ADCY2: variants seen among roughly 807,000 people sequenced by gnomAD.
ADCY2 encodes the protein adenylate cyclase type 2.
ADCY2 carries 31 observed loss-of-function variants against 125.2 expected under a neutral mutation model. The ratio of observed to expected loss-of-function variants is 0.25; its 90% CI spans 0.19 to 0.33. The LOEUF is 0.33. ADCY2 is among the 10% of genes least tolerant of loss of function. The pLI is 1.00. For missense variants in ADCY2, 904 were observed against 1,418.2 expected (o/e 0.64, Z 5.82); for synonymous variants, 512 against 548.4 (o/e 0.93, Z 0.93).
chr5:7,633,280 A>C (rs997397518), intron 4 of ADCY2, among the ~76,000 whole-genome samples: 1 of 151,802 alleles, frequency 6.6e-6, no homozygotes, highest in African/African-American at 2.4e-5. Context: ...AAAATACAAA[A>C]ATTAGCTGGG....
At chr5:7,683,059 C>G (rs372152787) in intron 4 of ADCY2, among the ~76,000 whole-genome samples, 3 of 152,182 alleles carry the variant, frequency 2.0e-5, no homozygotes, top group Non-Finnish European at 4.4e-5. Context: ...ACATTCTCAG[C>G]CTTTTTTTCC....
intron 5 of ADCY2, among the ~76,000 whole-genome samples, chr5:7,693,338 A>G (rs367834810): frequency 2.0e-5 from 3 of 151,516 alleles, no homozygotes; most frequent in East Asian, 1.9e-4. Flanking sequence ...CTATGGTCCC[A>G]TAAGTGCACT....
intron 21 of ADCY2, among the ~76,000 whole-genome samples, chr5:7,803,595 A>G (rs545321802): frequency 1.3e-5 from 2 of 152,256 alleles, no homozygotes; most frequent in Admixed American, 6.5e-5. Context: ...ACTAATTCCA[A>G]GACAAGAAAT....
At position 7,514,636 on chromosome 5, in the gene ADCY2, C is replaced by T. The variant is rs115079005; in HGVS notation, c.409-6102C>T. On this transcript the variant is annotated intron_variant, in intron 2 of 24. Transcript: ENST00000338316. ...TTGAAAATAGGGTCTTTGCAGATGT[C>T]ATCAGGTTAAGATGAAGTCATACTG... 2.2e-3 allele frequency among the ~76,000 whole-genome samples: 335 copies of T among 152,300 alleles called. 2 individuals are homozygous for T. The highest frequency in any genetic ancestry group is 7.5e-3 in the African/African-American group (310 of 41,572).
chr5:7,497,035 A>G (rs1162735746), intron 2 of ADCY2, among the ~76,000 whole-genome samples: 2 of 152,194 alleles, frequency 1.3e-5, no homozygotes, highest in South Asian at 2.1e-4. Context: ...CTTGAAGAAA[A>G]CTATCAAACT....
chr5:7,706,727 A>G lies in ADCY2; in HGVS notation c.1110-17A>G. ...GTGGATGTTACTTGATCATGATCTT[A>G]CTTCCCTTCTCTTTAGGAAAGTGAG... On this transcript the variant is annotated splice_polypyrimidine_tract_variant and intron_variant, in intron 7 of 24. Transcript: ENST00000338316. 1 of 1,613,516 alleles carries G rather than the reference A, an allele frequency of 6.2e-7. No individual in the cohort carries two copies. Among genetic ancestry groups the G allele is most frequent in the Non-Finnish European group, 8.5e-7 (1 of 1,179,556 alleles).
At chr5:7,727,896 G>A (rs1294085323) in intron 14 of ADCY2, among the ~76,000 whole-genome samples, 1 of 152,046 alleles carries the variant, frequency 6.6e-6, no homozygotes, top group Non-Finnish European at 1.5e-5. Flanking sequence ...ATGATCCCTA[G>A]GTCATCTTTC....
intron 2 of ADCY2, among the ~76,000 whole-genome samples, chr5:7,424,679 G>A (rs114927071): frequency 0.026 from 3,909 of 152,278 alleles, 60 homozygotes; most frequent in South Asian, 0.036. Flanking sequence ...ATTGCCAGAT[G>A]ATATTTCCAT....
intron 3 of ADCY2, among the ~76,000 whole-genome samples, chr5:7,571,647 CCTTTA>C (rs1184452359): frequency 6.6e-6 from 1 of 152,084 alleles, no homozygotes; most frequent in Non-Finnish European, 1.5e-5. Flanking sequence ...TTTTGTTTGT[CCTTTA>C]CTTTTAAGTT....
At chr5:7,576,773 C>G (rs1047343747) in intron 3 of ADCY2, among the ~76,000 whole-genome samples, 2 of 152,168 alleles carry the variant, frequency 1.3e-5, no homozygotes, top group African/African-American at 4.8e-5. Flanking sequence ...CCCACACCCC[C>G]TTCCCCACCA....
At chr5:7,520,715 T>C (rs368607259) in intron 2 of ADCY2, 23 bp from the exon 3 acceptor site, 19 of 1,613,182 alleles carry the variant, frequency 1.2e-5, no homozygotes, top group African/African-American at 4.0e-5. Flanking sequence ...GTGACTCTTA[T>C]TGTTCTTCTT....
Position 7,692,890 on chromosome 5 carries a change from A to T in ADCY2, c.869+2051A>T, listed in dbSNP as rs182656113. Among the ~76,000 whole-genome samples, 365 of 152,208 alleles carry T rather than the reference A, an allele frequency of 2.4e-3. 2 individuals are homozygous for T. The highest frequency in any genetic ancestry group is 3.2e-3 in the Non-Finnish European group (219 of 68,008). Reference sequence around the variant, plus strand: ...GTCGTCTTCTGGGACTTTAATTCCCACCTAAATGATGCTCATACACAGGCC... The same window carrying T: ...GTCGTCTTCTGGGACTTTAATTCCCTCCTAAATGATGCTCATACACAGGCC... On this transcript the variant is annotated intron_variant, in intron 5 of 24. Coordinates refer to ENST00000338316, the MANE Select transcript of ADCY2 (RefSeq NM_020546.3).
At chr5:7,424,650 G>T (rs965948504) in intron 2 of ADCY2, among the ~76,000 whole-genome samples, 3 of 152,184 alleles carry the variant, frequency 2.0e-5, no homozygotes, top group Admixed American at 6.5e-5. Context: ...CCAAAAATAT[G>T]GTACTGTCAC....
chr5:7,528,630 G>C (rs777366013), intron 3 of ADCY2, among the ~76,000 whole-genome samples: 1 of 152,272 alleles, frequency 6.6e-6, no homozygotes. Flanking sequence ...TCCATCATCT[G>C]TACCCTGTAT....
chr5:7,462,656 A>G (rs1038127432), intron 2 of ADCY2, among the ~76,000 whole-genome samples: 6 of 152,220 alleles, frequency 3.9e-5, no homozygotes, highest in Admixed American at 3.9e-4. Context: ...TACCTTTTGA[A>G]TTGTTAGGGT....
At chr5:7,687,574 T>C (rs1740558006) in intron 4 of ADCY2, among the ~76,000 whole-genome samples, 1 of 152,196 alleles carries the variant, frequency 6.6e-6, no homozygotes, top group Non-Finnish European at 1.5e-5. Context: ...GAAGCAGGGC[T>C]CAATCTTGCC....
chr5:7,806,221 C>T (rs72712290), intron 22 of ADCY2, among the ~76,000 whole-genome samples: 8,429 of 152,140 alleles, frequency 0.055, 319 homozygotes, highest in South Asian at 0.17. Flanking sequence ...ATAACCCAAA[C>T]CAGAACTAAT....
At chr5:7,431,529 T>TA (rs35268826) in intron 2 of ADCY2, among the ~76,000 whole-genome samples, 6 of 149,614 alleles carry the variant, frequency 4.0e-5, no homozygotes, top group East Asian at 2.0e-4. Context: ...TGGGAACTAT[T>TA]AAAAAAAAAA....
intron 24 of ADCY2, among the ~76,000 whole-genome samples, chr5:7,824,341 G>A (rs897116065): frequency 6.6e-6 from 1 of 152,118 alleles, no homozygotes; most frequent in Non-Finnish European, 1.5e-5. Flanking sequence ...TCTTCCTCCC[G>A]GTTTCCCATT....
Sources: gnomAD v4.1 joint callset for allele counts (sites outside exome capture counted in the v4.1 genomes callset) on GRCh38, gnomAD v4.1.1 for gene constraint, MANE v1.5 for transcripts, NCBI Gene and HGNC (gene_info 2026-07-23, HGNC 2026-07-21) for gene names.